LOC400499: variants seen among roughly 807,000 people sequenced by gnomAD.
At chr16:11,478,506 T>C in the LOC400499 span, 49 of 398,942 alleles carry the variant, frequency 1.2e-4, no homozygotes, top group Non-Finnish European at 1.6e-4. Flanking sequence ...GCAGATGGCA[T>C]GGGCAGGGGC....
At chr16:11,456,188 G>T in the LOC400499 span, among the ~76,000 whole-genome samples, 1 of 152,046 alleles carries the variant, frequency 6.6e-6, no homozygotes, top group Non-Finnish European at 1.5e-5. Context: ...GGCATTACAG[G>T]TGCCTGCCAC....
chr16:11,474,422 C>CAAA, the LOC400499 span, among the ~76,000 whole-genome samples: 2 of 152,214 alleles, frequency 1.3e-5, no homozygotes, highest in Non-Finnish European at 2.9e-5. Context: ...TTTGCCTACT[C>CAAA]TGGAATATTT....
chr16:11,459,927 G>A, the LOC400499 span: 69 of 1,486,560 alleles, frequency 4.6e-5, no homozygotes, highest in African/African-American at 1.7e-4. Context: ...GGCGGGCCCC[G>A]AGTCATTCTT....
At chr16:11,446,833 T>A in the LOC400499 span, 1 of 1,536,084 alleles carries the variant, frequency 6.5e-7, no homozygotes, top group South Asian at 1.2e-5. Flanking sequence ...CTCCAGGGAA[T>A]AGCGCTGGTG....
the LOC400499 span, among the ~76,000 whole-genome samples, chr16:11,442,974 T>G: frequency 1.3e-5 from 2 of 152,168 alleles, no homozygotes; most frequent in Non-Finnish European, 2.9e-5. Context: ...AAGGTGGGTC[T>G]CAATGCTCAA....
chr16:11,500,147 TCA>T, the LOC400499 span, among the ~76,000 whole-genome samples: 1 of 152,184 alleles, frequency 6.6e-6, no homozygotes, highest in Non-Finnish European at 1.5e-5. Context: ...GAGAACCACT[TCA>T]CACACAGCAT....
the LOC400499 span, among the ~76,000 whole-genome samples, chr16:11,491,164 G>A: frequency 9.4e-4 from 143 of 152,302 alleles, no homozygotes; most frequent in African/African-American, 1.9e-3. Context: ...GAAGGAAGAG[G>A]TGAAGCTGGG....
chr16:11,379,461 T>TA, the LOC400499 span, among the ~76,000 whole-genome samples: 2 of 152,268 alleles, frequency 1.3e-5, no homozygotes, highest in South Asian at 4.1e-4. Context: ...GATATTAGTA[T>TA]AGCTACTCCT....
At chr16:11,409,484 G>C in the LOC400499 span, among the ~76,000 whole-genome samples, 1 of 152,030 alleles carries the variant, frequency 6.6e-6, no homozygotes, top group Non-Finnish European at 1.5e-5. Context: ...GTTGTAACAG[G>C]GACCATAAGG....
chr16:11,495,836 G>C, the LOC400499 span, among the ~76,000 whole-genome samples: 1 of 152,156 alleles, frequency 6.6e-6, no homozygotes, highest in Non-Finnish European at 1.5e-5. Flanking sequence ...ACGTGCCTCA[G>C]GTAGCCCACA....
the LOC400499 span, chr16:11,521,887 G>C: frequency 2.5e-6 from 1 of 398,856 alleles, no homozygotes; most frequent in Non-Finnish European, 4.4e-6. Flanking sequence ...GAGGTAAGGG[G>C]CTGTGGCTTC....
At chr16:11,409,433 C>T in the LOC400499 span, among the ~76,000 whole-genome samples, 34 of 152,090 alleles carry the variant, frequency 2.2e-4, no homozygotes, top group Non-Finnish European at 2.9e-4. Context: ...ACTTACATAT[C>T]GTCTATAGCT....
At chr16:11,438,627 A>AT in the LOC400499 span, among the ~76,000 whole-genome samples, 2 of 151,254 alleles carry the variant, frequency 1.3e-5, no homozygotes, top group East Asian at 3.9e-4. Context: ...AAAAAAAAAA[A>AT]AAAGTACAAA....
chr16:11,501,000 G>C, the LOC400499 span: 4 of 399,012 alleles, frequency 1.0e-5, no homozygotes, highest in Non-Finnish European at 1.8e-5. Flanking sequence ...CACACGTGCT[G>C]AGCGCCTGCA....
At chr16:11,393,004 G>A in the LOC400499 span, among the ~76,000 whole-genome samples, 640 of 152,198 alleles carry the variant, frequency 4.2e-3, 5 homozygotes, top group African/African-American at 0.014. Context: ...ACAGGCACCC[G>A]CTACTGTGCC....
At chr16:11,491,348 T>C in the LOC400499 span, among the ~76,000 whole-genome samples, 1 of 152,284 alleles carries the variant, frequency 6.6e-6, no homozygotes, top group Non-Finnish European at 1.5e-5. Context: ...CCATCCCTCT[T>C]CTATCTTAGG....
At chr16:11,436,558 G>A in the LOC400499 span, among the ~76,000 whole-genome samples, 2 of 151,992 alleles carry the variant, frequency 1.3e-5, no homozygotes, top group African/African-American at 2.4e-5. Flanking sequence ...AATCCAGCCT[G>A]TGCATTACAA....
At chr16:11,449,107 C>A in the LOC400499 span, 2 of 1,448,010 alleles carry the variant, frequency 1.4e-6, no homozygotes, top group Non-Finnish European at 1.8e-6. Context: ...ACTGTGGAAA[C>A]CTGCAATGAG....
chr16:11,498,147 C>T, the LOC400499 span, among the ~76,000 whole-genome samples: 4,737 of 152,206 alleles, frequency 0.031, 108 homozygotes, highest in Middle Eastern at 0.061. Flanking sequence ...ATCAAGAAGC[C>T]ACACTTCACC....
Sources: gnomAD v4.1 joint callset for allele counts (sites outside exome capture counted in the v4.1 genomes callset) on GRCh38, gnomAD v4.1.1 for gene constraint, MANE v1.5 for transcripts.